Variants in ADAM12 observed in about 807,000 individuals in gnomAD.
The protein encoded by ADAM12 is disintegrin and metalloproteinase domain-containing protein 12.
A neutral mutation model predicts 106.4 loss-of-function variants in ADAM12; 70 were observed. The ratio of observed to expected loss-of-function variants is 0.66; its 90% confidence interval spans 0.54 to 0.80. The LOEUF (loss-of-function observed/expected upper bound fraction) is 0.80. ADAM12 is among the 30% of genes least tolerant of loss of function. The pLI, the probability that ADAM12 is intolerant of heterozygous loss-of-function variation, is 0.00. For missense variants in ADAM12, 1,010 were observed against 1,171.9 expected (o/e 0.86, Z 2.02); for synonymous variants, 420 against 433.5 (o/e 0.97, Z 0.39).
At chr10:126,327,560 C>A (rs1301525535) in intron 2 of ADAM12, among the ~76,000 whole-genome samples, 1 of 151,920 alleles carries the variant, frequency 6.6e-6, no homozygotes, top group South Asian at 2.1e-4. Flanking sequence ...AGTTTGAGAC[C>A]AGCTTAGGTG....
chr10:126,133,860 C>T lies in ADAM12; in HGVS notation c.416+1724G>A, dbSNP rs114662210. Among the ~76,000 whole-genome samples, 635 of 152,312 alleles carry T rather than the reference C, an allele frequency of 4.2e-3. 3 individuals carry two copies. The highest frequency in any genetic ancestry group is 0.014 in the African/African-American group (599 of 41,568). On this transcript the variant is annotated intron_variant, in intron 5 of 22. Coordinates refer to ENST00000448723, the MANE Select transcript of ADAM12 (RefSeq NM_001288973.2). ...GCTCTTCTCTCTGATATGCTACCTA[C>T]CTCATCTAAAGGGCTCACCTCACCT...
chr10:126,376,028 A>G (rs1318969595), intron 1 of ADAM12, among the ~76,000 whole-genome samples: 1 of 148,782 alleles, frequency 6.7e-6, no homozygotes, highest in Non-Finnish European at 1.5e-5. Context: ...GATTACAGGT[A>G]TGAGTCACTG....
intron 2 of ADAM12, among the ~76,000 whole-genome samples, chr10:126,288,933 C>T (rs1457659071): frequency 1.3e-5 from 2 of 151,860 alleles, no homozygotes; most frequent in African/African-American, 4.8e-5. Flanking sequence ...GGGACAGGAC[C>T]GCATGATGAC....
intron 11 of ADAM12, among the ~76,000 whole-genome samples, chr10:126,088,389 G>A (rs1488173369): frequency 1.3e-5 from 2 of 152,182 alleles, no homozygotes; most frequent in East Asian, 3.9e-4. Context: ...CAGGGCTGCT[G>A]TCTTCTCTGA....
At chr10:126,164,406 C>T (rs75870546) in intron 3 of ADAM12, among the ~76,000 whole-genome samples, 9 of 152,234 alleles carry the variant, frequency 5.9e-5, no homozygotes, top group Admixed American at 2.0e-4. Flanking sequence ...AGCATCCAAC[C>T]GAGTTTTTTG....
chr10:126,062,801 G>C (rs1954785682), intron 14 of ADAM12, among the ~76,000 whole-genome samples: 1 of 152,182 alleles, frequency 6.6e-6, no homozygotes, highest in Admixed American at 6.5e-5. Flanking sequence ...TTTTGGAAAG[G>C]AGCTTCATCA....
At chr10:126,155,343 A>G in intron 3 of ADAM12, 38 bp from the exon 4 acceptor site, 1 of 1,558,406 alleles carries the variant, frequency 6.4e-7, no homozygotes, top group South Asian at 1.1e-5. Flanking sequence ...AGATGAGTGC[A>G]GAATTGCATT....
chr10:126,226,401 G>A (rs913179302), intron 3 of ADAM12, among the ~76,000 whole-genome samples: 9 of 152,172 alleles, frequency 5.9e-5, no homozygotes, highest in Admixed American at 2.6e-4. Context: ...GAGGGGATGC[G>A]TGTGCAGCCC....
intron 4 of ADAM12, among the ~76,000 whole-genome samples, chr10:126,139,235 C>T (rs1208451968): frequency 6.6e-6 from 1 of 152,058 alleles, no homozygotes; most frequent in Non-Finnish European, 1.5e-5. Flanking sequence ...TTAATACGGT[C>T]ATTTTTATGT....
At chr10:126,039,675 G>A (rs41306542) in intron 18 of ADAM12, among the ~76,000 whole-genome samples, 18,388 of 152,194 alleles carry the variant, frequency 0.12, 1,685 homozygotes, top group Admixed American at 0.3. Flanking sequence ...CGGGTAGGTG[G>A]GGTGATGGTC....
chr10:126,372,144 C>G (rs188487062), intron 1 of ADAM12, among the ~76,000 whole-genome samples: 2 of 152,268 alleles, frequency 1.3e-5, no homozygotes, highest in East Asian at 3.9e-4. Context: ...CTGCCACCCC[C>G]TCTGTCAAGC....
At chr10:126,239,263 A>G (rs1958477189) in intron 3 of ADAM12, among the ~76,000 whole-genome samples, 1 of 152,238 alleles carries the variant, frequency 6.6e-6, no homozygotes, top group African/African-American at 2.4e-5. Context: ...TAAAAATTAT[A>G]TAGGAAAAAG....
intron 1 of ADAM12, among the ~76,000 whole-genome samples, chr10:126,354,336 G>A (rs1855465612): frequency 6.6e-6 from 1 of 152,120 alleles, no homozygotes; most frequent in Admixed American, 6.5e-5. Context: ...TAACGCAATT[G>A]GCTCCAGCCC....
chr10:126,271,608 T>C (rs776473888), intron 3 of ADAM12, among the ~76,000 whole-genome samples: 1 of 152,100 alleles, frequency 6.6e-6, no homozygotes, highest in East Asian at 1.9e-4. Flanking sequence ...CTACAAAAAA[T>C]AGAAAAACTA....
intron 1 of ADAM12, among the ~76,000 whole-genome samples, chr10:126,383,977 C>T (rs546772186): frequency 5.1e-4 from 78 of 152,260 alleles, no homozygotes; most frequent in Non-Finnish European, 9.3e-4. Context: ...CTACTACAAA[C>T]GCTTATGGAA....
At chr10:126,167,996 C>T (rs1452559030) in intron 3 of ADAM12, among the ~76,000 whole-genome samples, 1 of 152,202 alleles carries the variant, frequency 6.6e-6, no homozygotes, top group Non-Finnish European at 1.5e-5. Flanking sequence ...AGCCCTTGGT[C>T]ACATGCATGT....
chr10:126,029,058 T>C (rs937769564), intron 21 of ADAM12, among the ~76,000 whole-genome samples: 20 of 152,152 alleles, frequency 1.3e-4, no homozygotes, highest in African/African-American at 4.8e-4. Context: ...TGAGCTACCA[T>C]CTCATGCCAG....
chr10:126,340,407 GT>G (rs1384653465), intron 1 of ADAM12, among the ~76,000 whole-genome samples: 1 of 152,184 alleles, frequency 6.6e-6, no homozygotes, highest in East Asian at 1.9e-4. Flanking sequence ...CAACAACCCT[GT>G]GATATTTATC....
chr10:126,179,931 C>T (rs1957283688), intron 3 of ADAM12, among the ~76,000 whole-genome samples: 1 of 152,142 alleles, frequency 6.6e-6, no homozygotes, highest in African/African-American at 2.4e-5. Context: ...TCTCCTAAGT[C>T]TTCTTGTTTG....
Sources: allele counts gnomAD v4.1 joint callset (sites outside exome capture counted in the v4.1 genomes callset), GRCh38; gene constraint gnomAD v4.1.1; transcripts MANE v1.5; gene names NCBI Gene and HGNC (gene_info 2026-07-23, HGNC 2026-07-21).